The following WNT2B variants were observed in gnomAD, a reference collection of about 807,000 sequenced individuals.
WNT2B encodes protein Wnt-2b.
WNT2B carries 19 observed loss-of-function variants against 40.5 expected under a neutral mutation model. The ratio of observed to expected loss-of-function variants is 0.47; its 90% CI spans 0.33 to 0.69. The LOEUF (loss-of-function observed/expected upper bound fraction) is 0.69. WNT2B is among the 30% of genes least tolerant of loss of function. The probability of loss-of-function intolerance (pLI) is 0.02; values close to 1 mark genes in which losing one functional copy is unlikely to be tolerated. For missense variants in WNT2B, 467 were observed against 556.4 expected (o/e 0.84, Z 1.62); for synonymous variants, 220 against 211.9 (o/e 1.04, Z -0.33).
chr1:112,472,967 G>A (rs1219572464), intron 1 of WNT2B, among the ~76,000 whole-genome samples: 3 of 138,626 alleles, frequency 2.2e-5, no homozygotes, highest in Non-Finnish European at 3.1e-5. Context: ...AAAAAAAAAA[G>A]GAGAGAAAGA....
At chr1:112,483,181 TACACACACAC>T (rs58250277) in intron 1 of WNT2B, among the ~76,000 whole-genome samples, 16,367 of 141,124 alleles carry the variant, frequency 0.12, 988 homozygotes, top group Middle Eastern at 0.19. Flanking sequence ...GCAACATAGA[TACACACACAC>T]ACACACACAC....
At chr1:112,501,520 C>A (rs1037071611) in intron 1 of WNT2B, among the ~76,000 whole-genome samples, 1 of 152,176 alleles carries the variant, frequency 6.6e-6, no homozygotes, top group Non-Finnish European at 1.5e-5. Context: ...TTCATTCAAT[C>A]ATTTATTTGT....
At chr1:112,493,714 G>A (rs942853602) in intron 1 of WNT2B, among the ~76,000 whole-genome samples, 3 of 151,826 alleles carry the variant, frequency 2.0e-5, no homozygotes, top group Admixed American at 6.6e-5. Context: ...AACTATAAAA[G>A]GTATAACATG....
At chr1:112,503,626 C>T (rs1017876652) in intron 1 of WNT2B, among the ~76,000 whole-genome samples, 14 of 151,886 alleles carry the variant, frequency 9.2e-5, no homozygotes, top group African/African-American at 2.2e-4. Flanking sequence ...GCAAGACAAA[C>T]GGTCATACAG....
rs564366547 is a variant in WNT2B at position 112,526,151 on chromosome 1, A to G, written c.*5642A>G. 1.4e-5 allele frequency: 22 copies of G among 1,612,404 alleles called. No homozygotes were observed. The highest frequency in any genetic ancestry group is 1.9e-5 in the Non-Finnish European group (22 of 1,179,658). Reference sequence around the variant, plus strand: ...TTGATACAAAATGTTCAAGCCCTGTAGGAGTCCCAGGACAGCCAAGAGAGT... The same window carrying G: ...TTGATACAAAATGTTCAAGCCCTGTGGGAGTCCCAGGACAGCCAAGAGAGT... On this transcript the variant is annotated 3_prime_UTR_variant, in exon 5 of 5. Coordinates refer to ENST00000369684, the MANE Select transcript of WNT2B (RefSeq NM_024494.3).
chr1:112,520,202 T>C, intron 4 of WNT2B, 78 bp from the exon 5 acceptor site: 2 of 1,398,258 alleles, frequency 1.4e-6, no homozygotes, highest in Non-Finnish European at 2.0e-6. Context: ...TTTATCTTCC[T>C]TCTGAGAATG....
intron 1 of WNT2B, among the ~76,000 whole-genome samples, chr1:112,501,440 G>A (rs1209523069): frequency 2.0e-5 from 3 of 152,150 alleles, no homozygotes; most frequent in South Asian, 2.1e-4. Context: ...ACCTCCTTCA[G>A]GGCAGAATAC....
intron 1 of WNT2B, among the ~76,000 whole-genome samples, chr1:112,493,586 C>T (rs1285151217): frequency 6.6e-6 from 1 of 152,106 alleles, no homozygotes; most frequent in African/African-American, 2.4e-5. Context: ...CACACCCTTA[C>T]ACTCCAGTCT....
chr1:112,474,424 A>C (rs1279549773), intron 1 of WNT2B, among the ~76,000 whole-genome samples: 2 of 152,256 alleles, frequency 1.3e-5, no homozygotes, highest in Admixed American at 6.5e-5. Flanking sequence ...CTGGGATTAC[A>C]GGCGTAAGCC....
Position 112,509,465 on chromosome 1 carries a change from G to C in WNT2B, c.182+21G>C. 6.5e-7 allele frequency: 1 copy of C among 1,549,332 alleles called. No homozygotes were observed. The highest frequency in any genetic ancestry group is 1.2e-5 in the South Asian group (1 of 84,300). On this transcript the variant is annotated intron_variant, in intron 1 of 4. Coordinates refer to ENST00000369684, the MANE Select transcript of WNT2B (RefSeq NM_024494.3). This position sits in a 1 kb window ranked among gnomAD's most constrained non-coding sequence, Gnocchi z 4.2. ...TGGTGGTAAGTGTGGCTCTCAGGCT[G>C]GGCGGGTGAGGCGCTTGGTAGGAGA...
intron 1 of WNT2B, among the ~76,000 whole-genome samples, chr1:112,490,680 A>G (rs61820473): frequency 0.021 from 3,175 of 152,022 alleles, 56 homozygotes; most frequent in Non-Finnish European, 0.028. Flanking sequence ...TAGTAGAGAC[A>G]GGCTTTCACC....
intron 1 of WNT2B, among the ~76,000 whole-genome samples, chr1:112,495,003 G>A (rs1651717985): frequency 6.6e-6 from 1 of 151,384 alleles, no homozygotes; most frequent in African/African-American, 2.5e-5. Context: ...GGGATTAGAG[G>A]GAGGAACTAG....
At chr1:112,473,087 C>T (rs1309616173) in intron 1 of WNT2B, among the ~76,000 whole-genome samples, 1 of 66,784 alleles carries the variant, frequency 1.5e-5, no homozygotes, top group African/African-American at 1.1e-4. Flanking sequence ...AAGAAAGAAA[C>T]ACGGAAGGAG....
Position 112,509,587 on chromosome 1 carries a change from A to C in WNT2B, c.182+143A>C. On this transcript the variant is annotated intron_variant, in intron 1 of 4. Transcript: ENST00000369684. This position sits in a 1 kb window ranked among gnomAD's most constrained non-coding sequence, Gnocchi z 4.2. ...GGGCAGGACTGTCACTGAAATCTGA[A>C]GTCGCGGGGTGGCGGGAGGGTGAGG... 2.1e-6 allele frequency: 2 copies of C among 960,670 alleles called. No homozygotes were observed. The highest frequency in any genetic ancestry group is 2.8e-6 in the Non-Finnish European group (2 of 706,936). 59.5% of individuals were successfully genotyped at this position (960,670 alleles called of 1,614,324 possible). A position where few individuals can be genotyped will look rare whatever the true frequency, so the allele number is the denominator to read the frequency against.
chr1:112,490,771 G>C (rs1270012908), intron 1 of WNT2B, among the ~76,000 whole-genome samples: 5 of 152,124 alleles, frequency 3.3e-5, no homozygotes, highest in Non-Finnish European at 7.4e-5. Context: ...TTACAGGCGT[G>C]AGCCCCCGCG....
Position 112,526,053 on chromosome 1 carries a change from T to C in WNT2B, c.*5544T>C. 1 of 1,614,198 alleles carries C rather than the reference T, an allele frequency of 6.2e-7. No homozygotes were observed. The highest frequency in any genetic ancestry group is 8.5e-7 in the Non-Finnish European group (1 of 1,180,036). On this transcript the variant is annotated 3_prime_UTR_variant, in exon 5 of 5. Transcript: ENST00000369684. ...ACCTAGGTCTTCTGACTTCAAATCC[T>C]GTGTATTCTCCTCAAAGCCTGAGGA...
chr1:112,503,346 T>G (rs1652016170), intron 1 of WNT2B, among the ~76,000 whole-genome samples: 1 of 152,154 alleles, frequency 6.6e-6, no homozygotes, highest in Non-Finnish European at 1.5e-5. Flanking sequence ...TACAGAGTCA[T>G]GCCAATAGTG....
intron 1 of WNT2B, among the ~76,000 whole-genome samples, chr1:112,470,623 G>A (rs1650851271): frequency 6.6e-6 from 1 of 152,060 alleles, no homozygotes; most frequent in Admixed American, 6.6e-5. Context: ...TGCTGCTATG[G>A]TGTACAAATG....
intron 1 of WNT2B, among the ~76,000 whole-genome samples, chr1:112,485,346 A>G (rs1178152689): frequency 6.6e-6 from 1 of 152,050 alleles, no homozygotes; most frequent in Non-Finnish European, 1.5e-5. Flanking sequence ...CTGTAATCCC[A>G]GGTACACAGG....
Sources: allele counts gnomAD v4.1 joint callset (sites outside exome capture counted in the v4.1 genomes callset), GRCh38; gene constraint gnomAD v4.1.1; non-coding constraint Gnocchi (gnomAD v3.1); transcripts MANE v1.5; gene names NCBI Gene and HGNC (gene_info 2026-07-23, HGNC 2026-07-21).